Variants in CACUL1 observed in about 807,000 individuals in gnomAD.
CACUL1 encodes the protein CDK2-associated and cullin domain-containing protein 1.
A neutral mutation model predicts 45.2 loss-of-function variants in CACUL1; 13 were observed. The observed-to-expected ratio is 0.29, with a 90% CI of 0.19 to 0.46. CACUL1 has a LOEUF of 0.46. Ranked by LOEUF, CACUL1 falls within the 20% of genes least tolerant of loss-of-function variation. The pLI is 1.00. For synonymous variants in CACUL1, 197 were observed against 174.2 expected (o/e 1.13, Z -1.03); for missense variants, 421 against 471.4 (o/e 0.89, Z 0.99).
At chr10:118,701,046 G>A (rs762288599) in intron 5 of CACUL1, among the ~76,000 whole-genome samples, 13 of 152,116 alleles carry the variant, frequency 8.5e-5, no homozygotes, top group African/African-American at 1.7e-4. Context: ...AAGGGGCGGC[G>A]GGGAGGGGGC....
rs148373287 is a variant in CACUL1 at position 118,745,476 on chromosome 10, G to T, written c.367+8920C>A. On this transcript the variant is annotated intron_variant, in intron 1 of 8. Coordinates refer to ENST00000369151, the MANE Select transcript of CACUL1 (RefSeq NM_153810.5). ...ACTCGGGAGGCTGAGAAAGGGAATC[G>T]CTTGAACCTGGGAGGTAGAGGTTGC... 6.8e-4 allele frequency among the ~76,000 whole-genome samples: 103 copies of T among 152,176 alleles called. No homozygotes were observed. The East Asian group carries it at 8.7e-3, about 13-fold the overall frequency.
chr10:118,734,970 C>A (rs2119652704), intron 1 of CACUL1, among the ~76,000 whole-genome samples: 1 of 152,350 alleles, frequency 6.6e-6, no homozygotes, highest in South Asian at 2.1e-4. Flanking sequence ...TCAACTCTCA[C>A]ACTTTTTTAA....
intron 5 of CACUL1, among the ~76,000 whole-genome samples, chr10:118,700,868 T>G (rs73423932): frequency 0.011 from 1,660 of 152,148 alleles, 23 homozygotes; most frequent in African/African-American, 0.037. Flanking sequence ...TTGCCTAAAA[T>G]AGAGAATAAA....
chr10:118,703,947 A>G (rs1313995367), intron 4 of CACUL1, among the ~76,000 whole-genome samples: 2 of 151,586 alleles, frequency 1.3e-5, no homozygotes, highest in African/African-American at 2.4e-5. Flanking sequence ...CTTTTGTCTT[A>G]TATTTTCCAA....
chr10:118,719,096 C>T (rs1845575299), intron 3 of CACUL1, among the ~76,000 whole-genome samples: 1 of 152,052 alleles, frequency 6.6e-6, no homozygotes, highest in Non-Finnish European at 1.5e-5. Flanking sequence ...ATGCAATGAC[C>T]TAGTAGAAAA....
At chr10:118,725,803 A>C (rs1845646687) in intron 3 of CACUL1, among the ~76,000 whole-genome samples, 1 of 152,356 alleles carries the variant, frequency 6.6e-6, no homozygotes, top group Admixed American at 6.5e-5. Flanking sequence ...TTATTCTAAA[A>C]TCTCTAAAAA....
intron 3 of CACUL1, among the ~76,000 whole-genome samples, chr10:118,713,719 T>C (rs1845514950): frequency 1.3e-5 from 2 of 152,238 alleles, no homozygotes; most frequent in African/African-American, 4.8e-5. Context: ...AGAAGAACTT[T>C]ATGCCTATAC....
At chr10:118,733,777 C>T (rs1482435028) in intron 1 of CACUL1, among the ~76,000 whole-genome samples, 1 of 152,080 alleles carries the variant, frequency 6.6e-6, no homozygotes. Flanking sequence ...TTTGGGAGAC[C>T]GAGGCGAGAG....
At position 118,678,229 on chromosome 10, in the gene CACUL1, T is replaced by C. The variant is rs990853919; in HGVS notation, c.*7899A>G. On this transcript the variant is annotated 3_prime_UTR_variant, in exon 9 of 9. Coordinates refer to ENST00000369151, the MANE Select transcript of CACUL1 (RefSeq NM_153810.5). Reference sequence around the variant, plus strand: ...TTATATTATGAATATTTGTATCTTATTCCAGATTTGGCTTCTCTTTTCACT... The same window carrying C: ...TTATATTATGAATATTTGTATCTTACTCCAGATTTGGCTTCTCTTTTCACT... 6.6e-6 allele frequency: 1 copy of C among 152,236 alleles called. No homozygotes were observed. The highest frequency in any genetic ancestry group is 3.2e-3 in the Middle Eastern group (1 of 316). The allele number at this position is 152,236 out of a possible 1,614,324, so 9.4% of individuals were successfully genotyped here.
intron 3 of CACUL1, among the ~76,000 whole-genome samples, chr10:118,724,397 AG>A (rs1323236867): frequency 1.3e-5 from 2 of 152,040 alleles, no homozygotes; most frequent in Admixed American, 6.6e-5. Context: ...TGCTCTCAGC[AG>A]GGGGGGTGGT....
chr10:118,723,451 C>T (rs1845620385), intron 3 of CACUL1, among the ~76,000 whole-genome samples: 1 of 151,952 alleles, frequency 6.6e-6, no homozygotes, highest in African/African-American at 2.4e-5. Flanking sequence ...ATTATTGATC[C>T]ACACTTGCAT....
In CACUL1 at chr10:118,691,410, G is replaced by A. The variant is rs1276190267; in HGVS notation, c.887-7C>T. ...GGAGCCATCTGAACCCACTCTGTGA[G>A]GAAAGGAAACAATTCATTAAGGAAA... On this transcript the variant is annotated splice_region_variant and splice_polypyrimidine_tract_variant and intron_variant, in intron 6 of 8. Transcript: ENST00000369151. 4 of 1,606,364 alleles carry A rather than the reference G, an allele frequency of 2.5e-6. No homozygotes were observed. Among genetic ancestry groups the A allele is most frequent in the East Asian group, 2.2e-5 (1 of 44,802 alleles).
intron 6 of CACUL1, 28 bp from the exon 7 acceptor site, chr10:118,691,431 G>A: frequency 6.3e-7 from 1 of 1,592,938 alleles, no homozygotes; most frequent in Non-Finnish European, 8.6e-7. Context: ...AATTCATTAA[G>A]GAAATCATAT....
At chr10:118,697,912 A>G (rs1273943837) in intron 5 of CACUL1, among the ~76,000 whole-genome samples, 1 of 152,218 alleles carries the variant, frequency 6.6e-6, no homozygotes. Flanking sequence ...TCAGCCAAAA[A>G]TAGAAGCCAC....
rs1245531374 is a variant in CACUL1 at position 118,681,739 on chromosome 10, AAC to A, written c.*4387_*4388del. 19 of 152,328 alleles carry A rather than the reference AAC, an allele frequency of 1.2e-4. No homozygotes were observed. The highest frequency in any genetic ancestry group is 4.6e-4 in the African/African-American group (19 of 41,444). The allele number at this position is 152,328 out of a possible 1,614,324, so 9.4% of individuals were successfully genotyped here. A position where few individuals can be genotyped will look rare whatever the true frequency, so the allele number is the denominator to read the frequency against. ...CAGCCACTCCATCAACAGAAGCAGA[AAC>A]AGTACACATATTCATGCCACTCGGC... On this transcript the variant is annotated 3_prime_UTR_variant, in exon 9 of 9. Coordinates refer to ENST00000369151, the MANE Select transcript of CACUL1 (RefSeq NM_153810.5).
intron 3 of CACUL1, among the ~76,000 whole-genome samples, chr10:118,726,849 T>A (rs1845656538): frequency 6.6e-6 from 1 of 152,144 alleles, no homozygotes; most frequent in Admixed American, 6.5e-5. Flanking sequence ...TTAGCACGTT[T>A]AATAAAGAGG....
chr10:118,720,834 A>G (rs1240558151), intron 3 of CACUL1, among the ~76,000 whole-genome samples: 1 of 152,216 alleles, frequency 6.6e-6, no homozygotes, highest in Non-Finnish European at 1.5e-5. Flanking sequence ...ATGAGAGCCT[A>G]TTGAATGATC....
chr10:118,737,630 A>G (rs1845752336), intron 1 of CACUL1, among the ~76,000 whole-genome samples: 1 of 151,306 alleles, frequency 6.6e-6, no homozygotes. Context: ...AAATCTACAC[A>G]TTTTTCAATT....
intron 3 of CACUL1, 74 bp downstream of exon 3, chr10:118,729,221 G>T: frequency 1.2e-6 from 1 of 868,020 alleles, no homozygotes; most frequent in African/African-American, 1.7e-5. Flanking sequence ...GCTTCCAAAT[G>T]TGTATTAGAA....
Sources: gnomAD v4.1 joint callset for allele counts (sites outside exome capture counted in the v4.1 genomes callset) on GRCh38, gnomAD v4.1.1 for gene constraint, MANE v1.5 for transcripts, NCBI Gene and HGNC (gene_info 2026-07-23, HGNC 2026-07-21) for gene names.